The following CNTLN variants were observed in gnomAD, a reference collection of about 807,000 sequenced individuals.
CNTLN encodes the protein centlein, also known as centlein, centrosomal protein.
In CNTLN, 212 loss-of-function variants were observed where a neutral mutation model predicts 180.0. The observed-to-expected ratio is 1.18, with a 90% CI of 1.05 to 1.32. The LOEUF (loss-of-function observed/expected upper bound fraction) is 1.32. Ranked by LOEUF, CNTLN falls within the 40% of genes most tolerant of loss-of-function variation. The pLI, the probability that CNTLN is intolerant of heterozygous loss-of-function variation, is 0.00. For synonymous variants in CNTLN, 722 were observed against 563.1 expected (o/e 1.28, Z -3.99); for missense variants, 2,095 against 1,610.9 (o/e 1.30, Z -5.14).
At position 17,291,944 on chromosome 9, in the gene CNTLN, T is replaced by C. The variant is rs1253291329; in HGVS notation, c.984-6246T>C. Among the ~76,000 whole-genome samples, 4 of 152,190 alleles carry C rather than the reference T, an allele frequency of 2.6e-5. No individual in the cohort carries two copies. In the East Asian group the frequency reaches 7.7e-4, roughly 29 times the overall value. ...TTTTGCAGTGGCTAGTGGTGGTTTT[T>C]CCTTTCTATATTTAGTGCTTCCTTC... On this transcript the variant is annotated intron_variant, in intron 6 of 25. Transcript: ENST00000380647.
chr9:17,384,618 G>A (rs1348988158), intron 13 of CNTLN, among the ~76,000 whole-genome samples: 1 of 152,032 alleles, frequency 6.6e-6, no homozygotes, highest in African/African-American at 2.4e-5. Flanking sequence ...ATTGGCTTAT[G>A]GTTACTTCTC....
At chr9:17,399,304 A>C (rs1826782824) in intron 15 of CNTLN, among the ~76,000 whole-genome samples, 1 of 152,148 alleles carries the variant, frequency 6.6e-6, no homozygotes, top group Admixed American at 6.5e-5. Flanking sequence ...CTTAGAGGGA[A>C]AATCATTTTT....
chr9:17,337,783 T>C (rs1821152188), intron 10 of CNTLN, among the ~76,000 whole-genome samples: 1 of 152,196 alleles, frequency 6.6e-6, no homozygotes, highest in African/African-American at 2.4e-5. Context: ...GTTCCATGAA[T>C]TTAACAGAGA....
intron 2 of CNTLN, among the ~76,000 whole-genome samples, chr9:17,219,325 T>C (rs1176127154): frequency 6.6e-6 from 1 of 151,746 alleles, no homozygotes; most frequent in Non-Finnish European, 1.5e-5. Flanking sequence ...GATTGGTTGG[T>C]GACATTATAA....
intron 5 of CNTLN, among the ~76,000 whole-genome samples, chr9:17,240,625 G>T (rs772892416): frequency 6.6e-6 from 1 of 151,838 alleles, no homozygotes; most frequent in Non-Finnish European, 1.5e-5. Context: ...TTCACATAGA[G>T]TTGTTTGAGC....
At chr9:17,400,088 G>A (rs1340787751) in intron 15 of CNTLN, among the ~76,000 whole-genome samples, 1 of 152,086 alleles carries the variant, frequency 6.6e-6, no homozygotes, top group Non-Finnish European at 1.5e-5. Flanking sequence ...AAGAACATAA[G>A]TTGGATAAAA....
Position 17,455,106 on chromosome 9 carries a change from C to G in CNTLN, c.3115-2418C>G, listed in dbSNP as rs192297641. ...ACATTTTTTTCTCATCTATAGCTTTCTCAAGTAAGAAGTAGAATTTTTTAA... is the reference window on the plus strand; with the variant it reads ...ACATTTTTTTCTCATCTATAGCTTTGTCAAGTAAGAAGTAGAATTTTTTAA... On this transcript the variant is annotated intron_variant, in intron 18 of 25. Coordinates refer to ENST00000380647, the MANE Select transcript of CNTLN (RefSeq NM_017738.4). Among the ~76,000 whole-genome samples, 319 of 152,110 alleles carry G rather than the reference C, an allele frequency of 2.1e-3. 2 individuals are homozygous for G. Among genetic ancestry groups the G allele is most frequent in the African/African-American group, 7.5e-3 (312 of 41,420 alleles).
chr9:17,509,053 G>A, the CNTLN span, among the ~76,000 whole-genome samples: 2 of 152,210 alleles, frequency 1.3e-5, no homozygotes, highest in South Asian at 4.1e-4. Context: ...GTAGATGCAC[G>A]TCAGCTTCTT....
chr9:17,270,664 T>A (rs990849374), intron 5 of CNTLN, among the ~76,000 whole-genome samples: 1 of 152,196 alleles, frequency 6.6e-6, no homozygotes, highest in African/African-American at 2.4e-5. Flanking sequence ...AGATGGGGGT[T>A]ATTCATTTAT....
intron 19 of CNTLN, 65 bp from the exon 20 acceptor site, chr9:17,462,851 A>G (rs1448816972): frequency 1.5e-6 from 1 of 666,770 alleles, no homozygotes; most frequent in Admixed American, 3.3e-5. Context: ...AATGGCACTT[A>G]TTTTTATGCT....
intron 3 of CNTLN, 151 bp from the exon 4 acceptor site, chr9:17,235,507 A>G (rs1825087449): frequency 1.7e-6 from 1 of 574,358 alleles, no homozygotes. Flanking sequence ...ATTCATGGGC[A>G]TGTTACAGGA....
At chr9:17,455,825 G>GGCAGGCAGGTTTGGGGAATA (rs1831078951) in intron 18 of CNTLN, among the ~76,000 whole-genome samples, 1 of 111,316 alleles carries the variant, frequency 9.0e-6, no homozygotes, top group Admixed American at 1.0e-4. Context: ...TTTGGGGAAT[G>GGCAGGCAGGTTTGGGGAATA]GCAGGCAGGT....
At chr9:17,148,243 A>G (rs555436891) in intron 2 of CNTLN, among the ~76,000 whole-genome samples, 3 of 152,194 alleles carry the variant, frequency 2.0e-5, no homozygotes, top group Non-Finnish European at 4.4e-5. Context: ...TTTTACCTAC[A>G]GTTACTTTAG....
chr9:17,184,944 C>T (rs1010368474), intron 2 of CNTLN, among the ~76,000 whole-genome samples: 8 of 152,130 alleles, frequency 5.3e-5, no homozygotes, highest in Non-Finnish European at 7.4e-5. Flanking sequence ...TTTAAACTCA[C>T]AGTGTATTTT....
rs972819384 is a variant in CNTLN, at chr9:17,472,223, A to G, written c.3855+5332A>G. ...CTCTTTAATGATACTTACATGGTAC[A>G]TGAGGGTTGATCTTGGAATTCCTGT... On this transcript the variant is annotated intron_variant, in intron 23 of 25. Coordinates refer to ENST00000380647, the MANE Select transcript of CNTLN (RefSeq NM_017738.4). 3.3e-5 allele frequency among the ~76,000 whole-genome samples: 5 copies of G among 152,252 alleles called. No homozygotes were observed. The East Asian group carries it at 7.7e-4, about 24-fold the overall frequency.
At chr9:17,220,550 AC>A (rs1221697591) in intron 2 of CNTLN, among the ~76,000 whole-genome samples, 1 of 152,028 alleles carries the variant, frequency 6.6e-6, no homozygotes, top group East Asian at 1.9e-4. Flanking sequence ...TAAGCCTAGT[AC>A]CCATTAGTTA....
intron 2 of CNTLN, among the ~76,000 whole-genome samples, chr9:17,183,607 G>A (rs1031246757): frequency 3.3e-5 from 5 of 151,616 alleles, no homozygotes; most frequent in African/African-American, 4.8e-5. Context: ...TTGGCCATTC[G>A]GTAAGATTGA....
At chr9:17,432,634 C>G (rs2780203) in intron 18 of CNTLN, among the ~76,000 whole-genome samples, 132,666 of 152,124 alleles carry the variant, frequency 0.87, 58,092 homozygotes, top group Non-Finnish European at 0.91. Context: ...AAAAGCAATA[C>G]TAGAAACCAT....
chr9:17,214,277 T>C (rs1415426569), intron 2 of CNTLN, among the ~76,000 whole-genome samples: 1 of 152,180 alleles, frequency 6.6e-6, no homozygotes, highest in Non-Finnish European at 1.5e-5. Flanking sequence ...CAGCATTTGC[T>C]TGTCTGTAAA....
Sources: gnomAD v4.1 joint callset for allele counts (sites outside exome capture counted in the v4.1 genomes callset) on GRCh38, gnomAD v4.1.1 for gene constraint, MANE v1.5 for transcripts, NCBI Gene and HGNC (gene_info 2026-07-23, HGNC 2026-07-21) for gene names.